Variants in CMTM6 observed in about 807,000 individuals in gnomAD.
CMTM6 encodes the protein CKLF-like MARVEL transmembrane domain-containing protein 6.
Under a neutral mutation model 13.6 loss-of-function variants are expected in CMTM6, and 5 were observed. The observed-to-expected ratio is 0.37, with a 90% CI of 0.19 to 0.77. The LOEUF (loss-of-function observed/expected upper bound fraction) is 0.77, where lower values mean the gene tolerates loss of function less well. Ranked by LOEUF, CMTM6 falls within the 30% of genes least tolerant of loss-of-function variation. The pLI is 0.50. For synonymous variants in CMTM6, 99 were observed against 84.5 expected (o/e 1.17, Z -0.94); for missense variants, 196 against 218.6 (o/e 0.90, Z 0.65).
At chr3:32,492,061 G>A (rs1697254160) in intron 1 of CMTM6, among the ~76,000 whole-genome samples, 175 bp from the exon 2 acceptor site, 1 of 152,130 alleles carries the variant, frequency 6.6e-6, no homozygotes, top group Non-Finnish European at 1.5e-5. Context: ...CGCCTTGAAG[G>A]AAATACAGGT....
At chr3:32,501,446 G>A (rs575230299) in intron 1 of CMTM6, among the ~76,000 whole-genome samples, 2 of 152,264 alleles carry the variant, frequency 1.3e-5, no homozygotes, top group East Asian at 3.9e-4. Context: ...CACCTAGAGG[G>A]AGACTGGGAG....
chr3:32,488,847 A>C (rs1210247878), intron 2 of CMTM6, among the ~76,000 whole-genome samples: 1 of 152,244 alleles, frequency 6.6e-6, no homozygotes, highest in East Asian at 1.9e-4. Flanking sequence ...TCATATGCCA[A>C]CTGAAAACAG....
At chr3:32,498,916 TA>T (rs1697318594) in intron 1 of CMTM6, among the ~76,000 whole-genome samples, 1 of 152,050 alleles carries the variant, frequency 6.6e-6, no homozygotes. Context: ...AAGTGTTCCT[TA>T]AAACGGTCAC....
intron 1 of CMTM6, among the ~76,000 whole-genome samples, chr3:32,502,380 CCCCAGTTCGT>C (rs1164317313): frequency 2.0e-5 from 3 of 152,240 alleles, no homozygotes; most frequent in Non-Finnish European, 4.4e-5. Flanking sequence ...GGCTGGGTGG[CCCCAGTTCGT>C]GGGATCCCGA....
At position 32,482,246 on chromosome 3, in the gene CMTM6, T is replaced by G. The variant is rs746023170; in HGVS notation, c.*1714A>C. The G allele has an allele frequency of 1.3e-5, 2 of 152,070 alleles. No homozygotes were observed. The highest frequency in any genetic ancestry group is 2.9e-5 in the Non-Finnish European group (2 of 68,042). 9.4% of individuals were successfully genotyped at this position (152,070 alleles called of 1,614,324 possible). A position where few individuals can be genotyped will look rare whatever the true frequency, so the allele number is the denominator to read the frequency against. ...AGTATCCAAACTCTGATACAAATCC[T>G]AAAGGTATTGAGTCAGTAAGACAGA... On this transcript the variant is annotated 3_prime_UTR_variant, in exon 4 of 4. Coordinates refer to ENST00000205636, the MANE Select transcript of CMTM6 (RefSeq NM_017801.3).
chr3:32,493,705 C>G (rs1281807603), intron 1 of CMTM6, among the ~76,000 whole-genome samples: 2 of 152,120 alleles, frequency 1.3e-5, no homozygotes, highest in Non-Finnish European at 2.9e-5. Context: ...GGACAACTAG[C>G]AGCAGCAATC....
chr3:32,492,273 T>C (rs1406290433), intron 1 of CMTM6, among the ~76,000 whole-genome samples: 2 of 152,048 alleles, frequency 1.3e-5, no homozygotes, highest in Non-Finnish European at 2.9e-5. Flanking sequence ...AAGCAGTATA[T>C]AGAAAGGCCA....
intron 1 of CMTM6, among the ~76,000 whole-genome samples, chr3:32,494,223 G>C (rs1201356704): frequency 1.3e-5 from 2 of 152,130 alleles, no homozygotes; most frequent in Non-Finnish European, 2.9e-5. Flanking sequence ...CAGTTTGTGT[G>C]GGTTTTGTGG....
At chr3:32,490,625 G>A (rs1575137850) in intron 2 of CMTM6, among the ~76,000 whole-genome samples, 1 of 151,942 alleles carries the variant, frequency 6.6e-6, no homozygotes, top group Admixed American at 6.6e-5. Flanking sequence ...ATATAATAAA[G>A]GTTTTACTTT....
chr3:32,484,230 G>T, intron 3 of CMTM6, 133 bp from the exon 4 acceptor site: 1 of 754,434 alleles, frequency 1.3e-6, no homozygotes, highest in South Asian at 3.7e-5. Context: ...ACTCTTTAAT[G>T]GTAAAAAAAA....
At position 32,487,952 on chromosome 3, in the gene CMTM6, C is replaced by A; in HGVS notation, c.400G>T (p.Glu134Ter). 6.2e-7 allele frequency: 1 copy of A among 1,612,014 alleles called. No homozygotes were observed. The highest frequency in any genetic ancestry group is 1.1e-5 in the South Asian group (1 of 90,948). ...AAGGTACTTACAATTGCAGCAATCT[C>A]AGCTGAAGTCCTGTCATGTGTGGAA... is the stretch of plus-strand genomic sequence containing the variant. ...FVSTHDRTSA[E>*]IAAIVFGFIA... The change falls in exon 3 of 4, where the codon GAG (glutamate) becomes TAG (stop). Residue 134 changes from glutamate to a stop codon, truncating the protein, a stop_gained. Transcript: ENST00000205636. LOFTEE classifies it low-confidence loss of function (END_TRUNC).
At chr3:32,488,787 A>ATGTT (rs981650685) in intron 2 of CMTM6, among the ~76,000 whole-genome samples, 2 of 152,154 alleles carry the variant, frequency 1.3e-5, no homozygotes, top group Admixed American at 1.3e-4. Flanking sequence ...CAATCATGAG[A>ATGTT]TGTTTCATGG....
rs1697173417 is a variant in CMTM6 at position 32,483,445 on chromosome 3, G to T, written c.*515C>A. The T allele has an allele frequency of 6.6e-6, 1 of 152,160 alleles. No individual in the cohort carries two copies. Among genetic ancestry groups the T allele is most frequent in the Admixed American group, 6.6e-5 (1 of 15,260 alleles). The allele number at this position is 152,160 out of a possible 1,614,324, so 9.4% of individuals were successfully genotyped here. ...GTAAAGCCTGGTAATATATGTTAAG[G>T]AAAAAAACCTAGACCAACATTTTAA... is the stretch of plus-strand genomic sequence containing the variant. On this transcript the variant is annotated 3_prime_UTR_variant, in exon 4 of 4. Coordinates refer to ENST00000205636, the MANE Select transcript of CMTM6 (RefSeq NM_017801.3).
intron 2 of CMTM6, among the ~76,000 whole-genome samples, chr3:32,490,360 T>G (rs554288356): frequency 6.6e-6 from 1 of 152,318 alleles, no homozygotes; most frequent in East Asian, 1.9e-4. Context: ...CTAAGTGTAT[T>G]AATATGCAGA....
intron 1 of CMTM6, among the ~76,000 whole-genome samples, chr3:32,496,562 CAAAT>C (rs1697293589): frequency 1.3e-5 from 2 of 152,156 alleles, no homozygotes; most frequent in South Asian, 4.1e-4. Flanking sequence ...TAGGAAGATA[CAAAT>C]GATGGAGTAA....
intron 2 of CMTM6, 63 bp downstream of exon 2, chr3:32,491,647 A>G: frequency 1.4e-6 from 2 of 1,388,376 alleles, no homozygotes; most frequent in Non-Finnish European, 2.0e-6. Context: ...TGCTTTGAAC[A>G]ATAAAATTAT....
At chr3:32,497,362 G>T (rs1697303112) in intron 1 of CMTM6, among the ~76,000 whole-genome samples, 1 of 141,636 alleles carries the variant, frequency 7.1e-6, no homozygotes, top group East Asian at 2.1e-4. Context: ...TCCAGCCTGG[G>T]CAACAGCGAG....
At chr3:32,502,192 G>A (rs1315335452) in intron 1 of CMTM6, among the ~76,000 whole-genome samples, 1 of 152,228 alleles carries the variant, frequency 6.6e-6, no homozygotes, top group South Asian at 2.1e-4. Context: ...GCTCGCAGCA[G>A]GAAAACCGCA....
At chr3:32,487,264 T>C (rs1697212918) in intron 3 of CMTM6, among the ~76,000 whole-genome samples, 1 of 152,160 alleles carries the variant, frequency 6.6e-6, no homozygotes, top group Non-Finnish European at 1.5e-5. Flanking sequence ...ACACTATCTC[T>C]GCCTCATACT....
Sources: gnomAD v4.1 joint callset for allele counts (sites outside exome capture counted in the v4.1 genomes callset) on GRCh38, gnomAD v4.1.1 for gene constraint, MANE v1.5 for transcripts, NCBI Gene and HGNC (gene_info 2026-07-23, HGNC 2026-07-21) for gene names.